TENM1: variants seen among roughly 807,000 people sequenced by gnomAD.
TENM1 encodes the protein teneurin transmembrane protein 1.
TENM1 carries 35 observed loss-of-function variants against 174.8 expected under a neutral mutation model. The ratio of observed to expected loss-of-function variants is 0.20; its 90% CI spans 0.15 to 0.27. The LOEUF is 0.27. Ranked by LOEUF, TENM1 falls within the 10% of genes least tolerant of loss-of-function variation. TENM1 has a pLI of 1.00. For missense variants in TENM1, 1,633 were observed against 2,130.1 expected, an observed-to-expected ratio of 0.77 and a Z score of 4.59; for synonymous variants, 781 against 798.7, an observed-to-expected ratio of 0.98 and a Z score of 0.37.
At chrX:125,149,324 G>A in the TENM1 span, among the ~76,000 whole-genome samples, 28,519 of 110,808 alleles carry the variant, frequency 0.26, 3,574 homozygotes, top group African/African-American at 0.47. Flanking sequence ...ACCCTGTATC[G>A]CCATTAACAG....
At chrX:124,733,987 C>G (rs1439637611) in intron 4 of TENM1, among the ~76,000 whole-genome samples, 7 of 111,926 alleles carry the variant, frequency 6.3e-5, no homozygotes, top group Admixed American at 3.8e-4. Context: ...AACCATATTG[C>G]CCTGTTGTTT....
chrX:125,199,699 C>A, the TENM1 span, among the ~76,000 whole-genome samples: 5 of 111,610 alleles, frequency 4.5e-5, no homozygotes, highest in East Asian at 1.4e-3. Flanking sequence ...ACATAAAAAT[C>A]TAATAGACTT....
chrX:124,980,594 AAT>A, the TENM1 span, among the ~76,000 whole-genome samples: 1 of 111,722 alleles, frequency 9.0e-6, no homozygotes, highest in Non-Finnish European at 1.9e-5. Context: ...TTAAATAAAA[AAT>A]ATGATAAATT....
intron 5 of TENM1, among the ~76,000 whole-genome samples, chrX:124,678,151 C>T (rs2052139784): frequency 9.0e-6 from 1 of 110,704 alleles, no homozygotes; most frequent in Non-Finnish European, 1.9e-5. Context: ...GGTGTATTTA[C>T]ATCCTGGGAA....
intron 4 of TENM1, among the ~76,000 whole-genome samples, chrX:124,723,252 A>T (rs1473662227): frequency 8.9e-6 from 1 of 112,145 alleles, no homozygotes; most frequent in East Asian, 2.8e-4. Flanking sequence ...ACTGTACAGA[A>T]ATTGGCTGCT....
At chrX:124,975,962 A>G in the TENM1 span, among the ~76,000 whole-genome samples, 71 of 111,127 alleles carry the variant, frequency 6.4e-4, no homozygotes, top group Non-Finnish European at 1.1e-3. Context: ...AATACCTACT[A>G]TCATTATTTT....
chrX:124,805,735 C>T (rs2055578350), intron 3 of TENM1, among the ~76,000 whole-genome samples: 1 of 113,024 alleles, frequency 8.8e-6, no homozygotes, highest in African/African-American at 3.2e-5. Flanking sequence ...TAGGGCACTC[C>T]CCTAGCACCA....
At chrX:125,129,928 A>G in the TENM1 span, among the ~76,000 whole-genome samples, 3 of 111,660 alleles carry the variant, frequency 2.7e-5, no homozygotes, top group African/African-American at 9.8e-5. Context: ...TATCACTTCA[A>G]TATATTGGTT....
the TENM1 span, among the ~76,000 whole-genome samples, chrX:125,063,352 T>C: frequency 8.9e-6 from 1 of 111,859 alleles, no homozygotes; most frequent in Non-Finnish European, 1.9e-5. Context: ...TTGAGGCACT[T>C]AGAAAGATAT....
chrX:124,641,617 A>C (rs1203726736), intron 11 of TENM1, among the ~76,000 whole-genome samples, 174 bp downstream of exon 14: 3 of 112,362 alleles, frequency 2.7e-5, no homozygotes, highest in African/African-American at 9.7e-5. Flanking sequence ...TGAAAAAAAT[A>C]GGTAACAGCG....
chrX:124,781,903 C>T (rs2054921556), intron 3 of TENM1, among the ~76,000 whole-genome samples: 1 of 111,787 alleles, frequency 8.9e-6, no homozygotes, highest in African/African-American at 3.2e-5. Flanking sequence ...CACTACATTC[C>T]TCTCCTCTTC....
intron 6 of TENM1, among the ~76,000 whole-genome samples, chrX:124,670,662 A>C (rs990304338): frequency 1.9e-4 from 21 of 111,715 alleles, no homozygotes; most frequent in African/African-American, 6.5e-4. Flanking sequence ...CCTTTTCAAA[A>C]GCACACAAAA....
chrX:124,475,473 T>G (rs757038758), intron 22 of TENM1, among the ~76,000 whole-genome samples: 1 of 111,927 alleles, frequency 8.9e-6, no homozygotes, highest in Non-Finnish European at 1.9e-5. Flanking sequence ...CAGTGATATT[T>G]ATTTTCTCAT....
chrX:124,975,696 G>C, the TENM1 span, among the ~76,000 whole-genome samples: 1 of 111,681 alleles, frequency 9.0e-6, no homozygotes, highest in East Asian at 2.8e-4. Context: ...GACTGAAAAG[G>C]AGCTAATCAA....
chrX:124,801,665 A>C (rs2055455521), intron 3 of TENM1, among the ~76,000 whole-genome samples: 1 of 111,733 alleles, frequency 8.9e-6, no homozygotes, highest in East Asian at 2.8e-4. Flanking sequence ...TAGTTGATGC[A>C]GTTTCTTCAT....
intron 11 of TENM1, among the ~76,000 whole-genome samples, chrX:124,634,000 A>G (rs1032383295): frequency 3.6e-5 from 4 of 112,038 alleles, no homozygotes; most frequent in Admixed American, 2.9e-4. Flanking sequence ...TGCTTGTTTT[A>G]TTTAACCAAT....
At chrX:124,719,098 G>A (rs2053251724) in intron 4 of TENM1, among the ~76,000 whole-genome samples, 1 of 111,413 alleles carries the variant, frequency 9.0e-6, no homozygotes, top group Non-Finnish European at 1.9e-5. Flanking sequence ...CAATTGGAAC[G>A]TGAAGTTTTG....
intron 8 of TENM1, among the ~76,000 whole-genome samples, chrX:124,650,796 C>T (rs2051286607): frequency 8.9e-6 from 1 of 111,785 alleles, no homozygotes; most frequent in South Asian, 3.7e-4. Flanking sequence ...TCTATTTTAA[C>T]AAACAAATAT....
intron 3 of TENM1, among the ~76,000 whole-genome samples, chrX:124,750,310 C>T (rs961789094): frequency 1.8e-5 from 2 of 111,194 alleles, no homozygotes; most frequent in African/African-American, 6.6e-5. Context: ...TCCATTAAAA[C>T]GAGTGGCTAA....
Sources: allele counts gnomAD v4.1 joint callset (sites outside exome capture counted in the v4.1 genomes callset), GRCh38; gene constraint gnomAD v4.1.1; transcripts MANE v1.5; gene names NCBI Gene and HGNC (gene_info 2026-07-23, HGNC 2026-07-21).